Variants in ZBTB20 observed in about 807,000 individuals in gnomAD.
ZBTB20 encodes zinc finger and BTB domain containing 20.
In ZBTB20, 9 loss-of-function variants were observed where a neutral mutation model predicts 56.9. The ratio of observed to expected loss-of-function variants is 0.16; its 90% CI spans 0.10 to 0.28. The LOEUF (loss-of-function observed/expected upper bound fraction) is 0.28, where lower values mean the gene tolerates loss of function less well. Ranked by LOEUF, ZBTB20 falls within the 10% of genes least tolerant of loss-of-function variation. ZBTB20 has a pLI of 1.00. For synonymous variants in ZBTB20, 417 were observed against 420.7 expected (o/e 0.99, Z 0.11); for missense variants, 655 against 1,003.0 (o/e 0.65, Z 4.69).
chr3:114,871,446 A>G (rs1221436192), intron 4 of ZBTB20, among the ~76,000 whole-genome samples: 1 of 152,064 alleles, frequency 6.6e-6, no homozygotes, highest in Non-Finnish European at 1.5e-5. Flanking sequence ...TATTGCTTTT[A>G]TATGTCTTCC....
intron 4 of ZBTB20, among the ~76,000 whole-genome samples, chr3:114,859,077 G>GA (rs915192517): frequency 4.0e-5 from 6 of 151,814 alleles, no homozygotes; most frequent in African/African-American, 4.8e-5. Context: ...TGTATGATGA[G>GA]AAAAAAAATA....
intron 7 of ZBTB20, among the ~76,000 whole-genome samples, chr3:114,400,774 T>C (rs540829682): frequency 2.8e-4 from 43 of 151,934 alleles, no homozygotes; most frequent in African/African-American, 9.4e-4. Flanking sequence ...GCCCACATGA[T>C]TTCACCTGGC....
At chr3:114,950,134 T>C (rs1244288578) in intron 3 of ZBTB20, among the ~76,000 whole-genome samples, 1 of 152,170 alleles carries the variant, frequency 6.6e-6, no homozygotes, top group African/African-American at 2.4e-5. Context: ...ATCTCTCTTA[T>C]ACAGTAGTCC....
intron 6 of ZBTB20, among the ~76,000 whole-genome samples, chr3:114,665,450 A>C (rs1195094094): frequency 6.6e-6 from 1 of 152,022 alleles, no homozygotes; most frequent in African/African-American, 2.4e-5. Flanking sequence ...TATCCCCATC[A>C]TCAAGTGATG....
At chr3:115,028,491 T>C (rs995855066) in intron 2 of ZBTB20, among the ~76,000 whole-genome samples, 2 of 150,756 alleles carry the variant, frequency 1.3e-5, no homozygotes, top group Non-Finnish European at 3.0e-5. Flanking sequence ...ATTAACTTCA[T>C]CTGTTTCTTT....
chr3:114,934,041 C>T (rs2076447157), intron 3 of ZBTB20, among the ~76,000 whole-genome samples: 1 of 152,156 alleles, frequency 6.6e-6, no homozygotes, highest in African/African-American at 2.4e-5. Flanking sequence ...TAATCCAGCA[C>T]CTCTCCATCT....
At chr3:115,118,703 ATTTTTTTTTT>A (rs35607205) in intron 1 of ZBTB20, among the ~76,000 whole-genome samples, 247 of 82,226 alleles carry the variant, frequency 3.0e-3, no homozygotes, top group Middle Eastern at 0.021. Flanking sequence ...CCTGGTACAA[ATTTTTTTTTT>A]TTTTTTTTTT....
At chr3:114,529,997 A>G (rs1040753931) in intron 6 of ZBTB20, among the ~76,000 whole-genome samples, 2 of 152,238 alleles carry the variant, frequency 1.3e-5, no homozygotes, top group Non-Finnish European at 2.9e-5. Context: ...TGGACCACAT[A>G]TCTGACTGTG....
At chr3:114,744,266 CT>C (rs1477366124) in intron 5 of ZBTB20, among the ~76,000 whole-genome samples, 1 of 152,134 alleles carries the variant, frequency 6.6e-6, no homozygotes, top group African/African-American at 2.4e-5. Flanking sequence ...CCAGTCCTCT[CT>C]ATCTATGAAG....
At chr3:114,687,155 C>T (rs1165563070) in intron 6 of ZBTB20, 2 of 150,820 alleles carry the variant, frequency 1.3e-5, no homozygotes, top group East Asian at 3.9e-4. Flanking sequence ...TGTAAATTAA[C>T]TAACAGATAT....
intron 6 of ZBTB20, among the ~76,000 whole-genome samples, chr3:114,684,041 T>C (rs368168400): frequency 5.7e-4 from 87 of 152,292 alleles, no homozygotes; most frequent in East Asian, 4.6e-3. Flanking sequence ...ACAAGTTGTC[T>C]CCTCTGACTC....
intron 7 of ZBTB20, among the ~76,000 whole-genome samples, chr3:114,479,039 CT>C (rs200578513): frequency 2.9e-5 from 4 of 137,442 alleles, no homozygotes; most frequent in Admixed American, 7.7e-5. Context: ...TCTGTTTACT[CT>C]TTTTTTTTCT....
At chr3:114,546,152 G>A (rs566032466) in intron 6 of ZBTB20, among the ~76,000 whole-genome samples, 2 of 152,316 alleles carry the variant, frequency 1.3e-5, no homozygotes, top group East Asian at 1.9e-4. Flanking sequence ...AGTGGAAAGC[G>A]GTGGGTGTAG....
intron 3 of ZBTB20, among the ~76,000 whole-genome samples, chr3:114,929,079 A>T (rs17685222): frequency 0.094 from 14,264 of 152,258 alleles, 761 homozygotes; most frequent in Admixed American, 0.19. Flanking sequence ...CATAAATAAT[A>T]TAATGCATTG....
At chr3:114,715,178 CAT>C (rs2064379059) in intron 5 of ZBTB20, among the ~76,000 whole-genome samples, 1 of 152,202 alleles carries the variant, frequency 6.6e-6, no homozygotes, top group Non-Finnish European at 1.5e-5. Flanking sequence ...AACATCACAA[CAT>C]ATAGCAATTA....
rs2078618133 is a variant in ZBTB20, at chr3:114,314,834, T to C, written c.*24171A>G. On this transcript the variant is annotated 3_prime_UTR_variant, in exon 12 of 12. Coordinates refer to ENST00000675478, the MANE Select transcript of ZBTB20 (RefSeq NM_001348800.3). ...ATGAAGCGCTACAGTTAATTTTTCTTTTTTTGAATGTTTTTTTTCCTGTTT... is the reference window on the plus strand; with the variant it reads ...ATGAAGCGCTACAGTTAATTTTTCTCTTTTTGAATGTTTTTTTTCCTGTTT... 1 of 152,040 alleles carries C rather than the reference T, an allele frequency of 6.6e-6. No individual in the cohort carries two copies. The highest frequency in any genetic ancestry group is 6.5e-5 in the Admixed American group (1 of 15,272). 9.4% of individuals were successfully genotyped at this position (152,040 alleles called of 1,614,324 possible). A position where few individuals can be genotyped will look rare whatever the true frequency, so the allele number is the denominator to read the frequency against.
intron 6 of ZBTB20, among the ~76,000 whole-genome samples, chr3:114,660,173 G>A (rs2060641161): frequency 6.6e-6 from 1 of 152,132 alleles, no homozygotes; most frequent in South Asian, 2.1e-4. Context: ...TAGGGAGCCT[G>A]TTCTAATCTC....
intron 3 of ZBTB20, among the ~76,000 whole-genome samples, chr3:114,937,187 C>T (rs540882101): frequency 2.0e-5 from 3 of 152,134 alleles, no homozygotes; most frequent in East Asian, 1.9e-4. Flanking sequence ...CTTGAGGAAT[C>T]GCCACACTGT....
chr3:114,573,483 AAGAC>A (rs1433350208), intron 6 of ZBTB20, among the ~76,000 whole-genome samples: 17 of 150,996 alleles, frequency 1.1e-4, no homozygotes, highest in South Asian at 4.2e-4. Flanking sequence ...AAAAGAAAGA[AAGAC>A]AGAAAGAAAG....
Sources: allele counts gnomAD v4.1 joint callset (sites outside exome capture counted in the v4.1 genomes callset), GRCh38; gene constraint gnomAD v4.1.1; transcripts MANE v1.5; gene names NCBI Gene and HGNC (gene_info 2026-07-23, HGNC 2026-07-21).